OTOG: variants seen among roughly 807,000 people sequenced by gnomAD.
The protein encoded by OTOG is otogelin.
In OTOG, 296 loss-of-function variants were observed where a neutral mutation model predicts 313.8. That is an observed-to-expected ratio of 0.94 (90% confidence interval 0.86 to 1.04). The LOEUF is 1.04. OTOG is among the 50% of genes least tolerant of loss of function. The probability of loss-of-function intolerance (pLI) is 0.00; values close to 1 mark genes in which losing one functional copy is unlikely to be tolerated. For synonymous variants in OTOG, 1,533 were observed against 1,554.9 expected (o/e 0.99, Z 0.33); for missense variants, 3,948 against 3,840.1 (o/e 1.03, Z -0.74).
In OTOG at chr11:17,553,122, T is replaced by G; in HGVS notation, c.296T>G (p.Leu99Trp). The G allele has an allele frequency of 1.3e-6, 2 of 1,550,542 alleles. No homozygotes were observed. The highest frequency in any genetic ancestry group is 1.7e-6 in the Non-Finnish European group (2 of 1,146,980). Reference sequence around the variant, plus strand: ...TGACTCTGTGTCTCCCATGCAGACTTGTTCTCCTGCTTCAATGGAGGCGAG... The same window carrying G: ...TGACTCTGTGTCTCCCATGCAGACTGGTTCTCCTGCTTCAATGGAGGCGAG... ...LHRAKCAPSY[L>W]FSCFNGGECV... The change falls in exon 5 of 56, where the codon TTG becomes TGG. Residue 99 changes from leucine (L) to tryptophan (W), a missense_variant. Leu to Trp is a moderately conservative substitution (Grantham distance 61). Transcript: ENST00000399397.
rs761140268 is a variant in OTOG at position 17,569,274 on chromosome 11, C to T, written c.1763C>T (p.Pro588Leu). The T allele has an allele frequency of 1.0e-5, 16 of 1,550,430 alleles. No homozygotes were observed. The highest frequency in any genetic ancestry group is 9.8e-5 in the East Asian group (4 of 40,922). The change falls in exon 16 of 56, where the codon CCG (proline) becomes CTG (leucine). Residue 588 changes from proline (P) to leucine (L), a missense_variant. Coordinates refer to ENST00000399397, the MANE Select transcript of OTOG (RefSeq NM_001292063.2). ...VLLFDQYKIIPPYTDDAFEIR... is the reference protein window; with the variant it reads ...VLLFDQYKIILPYTDDAFEIR... The stretch of plus-strand genomic sequence containing the variant: ...CTGTTTGACCAGTACAAGATCATCC[C>T]GCCATACACAGATGGTACGGTTTGG...
At chr11:17,590,384 C>T (rs188950902) in intron 24 of OTOG, among the ~76,000 whole-genome samples, 39 of 152,342 alleles carry the variant, frequency 2.6e-4, no homozygotes, top group African/African-American at 9.4e-4. Flanking sequence ...CTTTCACTAC[C>T]TATATCCAAC....
chr11:17,572,952 G>A, intron 18 of OTOG, 126 bp from the exon 19 acceptor site: 1 of 892,950 alleles, frequency 1.1e-6, no homozygotes. Flanking sequence ...TGAAGTAGCT[G>A]CCTACATCCG....
Position 17,599,653 on chromosome 11 carries a change from C to G in OTOG, c.3683-18C>G. 6.4e-7 allele frequency: 1 copy of G among 1,550,666 alleles called. No homozygotes were observed. The highest frequency in any genetic ancestry group is 1.2e-5 in the South Asian group (1 of 84,066). Reference sequence around the variant, plus strand: ...CTCTGGGCTGGCTCTCAGGAAGTTCCTGTTCTCTCTCTTTCAGCGTATGAC... The same window carrying G: ...CTCTGGGCTGGCTCTCAGGAAGTTCGTGTTCTCTCTCTTTCAGCGTATGAC... On this transcript the variant is annotated intron_variant, in intron 30 of 55. Coordinates refer to ENST00000399397, the MANE Select transcript of OTOG (RefSeq NM_001292063.2).
Position 17,612,918 on chromosome 11 carries a change from A to T in OTOG, c.6438+153A>T, listed in dbSNP as rs573862505. On this transcript the variant is annotated intron_variant, in intron 38 of 55. Coordinates refer to ENST00000399397, the MANE Select transcript of OTOG (RefSeq NM_001292063.2). ...TCTCCAGGAATGGGCAGGGCCTCCC[A>T]GGTGATGGCTCCCTTGGAGGCTGGG... Among the ~76,000 whole-genome samples the T allele has an allele frequency of 2.0e-5, 3 of 152,314 alleles. No individual in the cohort carries two copies. The East Asian group carries it at 5.8e-4, about 29-fold the overall frequency.
At chr11:17,630,104 C>T (rs1344287172) in intron 40 of OTOG, among the ~76,000 whole-genome samples, 2 of 152,210 alleles carry the variant, frequency 1.3e-5, no homozygotes, top group African/African-American at 4.8e-5. Context: ...ACATGCAGTT[C>T]AGCTCCATGC....
intron 31 of OTOG, among the ~76,000 whole-genome samples, chr11:17,600,984 C>T (rs1273711484): frequency 1.3e-5 from 2 of 152,240 alleles, no homozygotes; most frequent in Admixed American, 1.3e-4. Context: ...GCTCACGCCG[C>T]CTCTCTAGCA....
At position 17,573,242 on chromosome 11, in the gene OTOG, C is replaced by T. The variant is rs570402498; in HGVS notation, c.2245C>T (p.Arg749Trp). ...ACTGGCCCACTACGCCCACCTGTGC[C>T]GGCGCCATGGGCTCCCCGTTGATTT... ...ATLAHYAHLC[R>W]RHGLPVDFRA... The change falls in exon 19 of 56, where the codon CGG (arginine) becomes TGG (tryptophan). Residue 749 changes from arginine to tryptophan, a missense_variant. Transcript: ENST00000399397. The T allele has an allele frequency of 4.1e-5, 63 of 1,533,710 alleles. No individual in the cohort carries two copies. The highest frequency in any genetic ancestry group is 4.9e-5 in the East Asian group (2 of 40,796).
rs779322374 is a variant in OTOG at position 17,594,118 on chromosome 11, A to G, written c.3360A>G (p.Leu1120=). The part of the protein sequence containing the change: ...TINEMRTPEN[L]ELTNPQEFGS... ...ATGAGATGAGGACCCCGGAGAACCT[A>G]GAGCTAACTAACCCCCAGGAGTTTG... is the stretch of plus-strand genomic sequence containing the variant. Residue 1120 remains leucine, a synonymous_variant, in exon 28 of 56, where the codon CTA becomes CTG. Transcript: ENST00000399397. The G allele has an allele frequency of 6.1e-5, 95 of 1,550,416 alleles. No homozygotes were observed. In the Middle Eastern group the frequency reaches 1.5e-3, roughly 25 times the overall value.
intron 49 of OTOG, 82 bp from the exon 50 acceptor site, chr11:17,640,663 G>A (rs7109929): frequency 1.4e-6 from 2 of 1,416,804 alleles, no homozygotes; most frequent in Non-Finnish European, 1.9e-6. Flanking sequence ...GACTGACGTA[G>A]AGAGGGGCCC....
chr11:17,641,836 C>T lies in OTOG; in HGVS notation c.8191-11C>T. 2 of 1,545,948 alleles carry T rather than the reference C, an allele frequency of 1.3e-6. No individual in the cohort carries two copies. Among genetic ancestry groups the T allele is most frequent in the Non-Finnish European group, 1.7e-6 (2 of 1,144,220 alleles). ...GCATCTGGCTGAGGCCCACCCCGCC[C>T]TGGCCTGTAGAACCAGGAGTACGAG... On this transcript the variant is annotated splice_polypyrimidine_tract_variant and intron_variant, in intron 51 of 55. Transcript: ENST00000399397.
At chr11:17,558,151 G>A (rs952014134) in intron 8 of OTOG, 34 bp from the exon 9 acceptor site, 35 of 1,548,958 alleles carry the variant, frequency 2.3e-5, no homozygotes, top group African/African-American at 5.5e-5. Flanking sequence ...CAACCCCATC[G>A]CTGCCCCATC....
At chr11:17,568,841 G>T (rs1852345742) in intron 15 of OTOG, among the ~76,000 whole-genome samples, 2 of 152,322 alleles carry the variant, frequency 1.3e-5, no homozygotes, top group South Asian at 4.1e-4. Context: ...GGGGAGGCCA[G>T]TGTTTCTCAG....
At chr11:17,556,085 T>G (rs1005078954) in intron 7 of OTOG, among the ~76,000 whole-genome samples, 188 bp downstream of exon 7, 1 of 151,716 alleles carries the variant, frequency 6.6e-6, no homozygotes, top group South Asian at 2.1e-4. Context: ...GCAGAATGAT[T>G]TTTTTTTTCC....
At chr11:17,551,876 C>A in intron 3 of OTOG, 124 bp from the exon 4 acceptor site, 2 of 810,246 alleles carry the variant, frequency 2.5e-6, no homozygotes, top group Non-Finnish European at 4.1e-6. Flanking sequence ...GGCTGGGGCA[C>A]TGAGGGGCAG....
intron 15 of OTOG, among the ~76,000 whole-genome samples, chr11:17,566,022 GCTA>G (rs1209589646): frequency 2.6e-5 from 4 of 152,126 alleles, no homozygotes; most frequent in Non-Finnish European, 5.9e-5. Context: ...TGTGCTCATT[GCTA>G]CTGGGGTATG....
Position 17,558,202 on chromosome 11 carries a change from G to C in OTOG, c.883G>C (p.Val295Leu), listed in dbSNP as rs186310325. 1.3e-6 allele frequency: 2 copies of C among 1,550,350 alleles called. No individual in the cohort carries two copies. The highest frequency in any genetic ancestry group is 1.7e-6 in the Non-Finnish European group (2 of 1,146,954). Residue 295 changes from valine to leucine, a missense_variant, in exon 9 of 56, where the codon GTG becomes CTG. Physicochemically the swap from Val to Leu is conservative, Grantham distance 32 (BLOSUM62 1). Transcript: ENST00000399397. ...VTSSGKLTDD[V>L]VEFVHSWQEQ... is the part of the protein sequence containing the mutation. ...TCCTCCAGGGAAGCTGACTGACGAC[G>C]TGGTTGAGTTTGTGCACAGCTGGCA...
intron 15 of OTOG, among the ~76,000 whole-genome samples, chr11:17,566,201 T>C (rs1852290112): frequency 6.6e-6 from 1 of 152,218 alleles, no homozygotes; most frequent in Admixed American, 6.5e-5. Flanking sequence ...TATATAGTAT[T>C]TGCATATAAC....
chr11:17,569,399 G>A, intron 16 of OTOG, 111 bp downstream of exon 16: 1 of 1,416,864 alleles, frequency 7.1e-7, no homozygotes, highest in East Asian at 2.5e-5. Flanking sequence ...TCATATTCTA[G>A]TACTGGGTAG....
Sources: allele counts gnomAD v4.1 joint callset (sites outside exome capture counted in the v4.1 genomes callset), GRCh38; gene constraint gnomAD v4.1.1; transcripts MANE v1.5; gene names NCBI Gene and HGNC (gene_info 2026-07-23, HGNC 2026-07-21).